Variants in BLTP1 observed in about 807,000 individuals in gnomAD.
BLTP1 encodes fragile site-associated protein.
the BLTP1 span, chr4:122,201,870 G>C: frequency 5.1e-6 from 5 of 984,684 alleles, no homozygotes; most frequent in Non-Finnish European, 6.0e-6. Flanking sequence ...TTTTATACAA[G>C]CGTCTCATCG....
At chr4:122,336,449 A>AT in the BLTP1 span, 4 of 772,124 alleles carry the variant, frequency 5.2e-6, no homozygotes, top group Non-Finnish European at 5.8e-6. Context: ...ATTACATAAT[A>AT]TATGCAATTA....
chr4:122,328,127 C>T, the BLTP1 span: 1 of 1,604,854 alleles, frequency 6.2e-7, no homozygotes, highest in East Asian at 2.2e-5. Context: ...CAGAACTGGA[C>T]CTTTTGTCAG....
chr4:122,279,557 A>G, the BLTP1 span, among the ~76,000 whole-genome samples: 3 of 152,144 alleles, frequency 2.0e-5, no homozygotes, highest in Non-Finnish European at 4.4e-5. Flanking sequence ...TGGTACTTTA[A>G]AGAAGATCAT....
the BLTP1 span, among the ~76,000 whole-genome samples, chr4:122,253,716 C>A: frequency 6.6e-6 from 1 of 152,034 alleles, no homozygotes; most frequent in Non-Finnish European, 1.5e-5. Flanking sequence ...TAGAGAAAGA[C>A]GGGTGGAAAG....
At chr4:122,362,118 T>C in the BLTP1 span, 1 of 1,613,696 alleles carries the variant, frequency 6.2e-7, no homozygotes, top group Non-Finnish European at 8.5e-7. Flanking sequence ...CTAGGACTAC[T>C]ATTCCTAAAT....
At chr4:122,328,280 T>C in the BLTP1 span, 1 of 1,610,972 alleles carries the variant, frequency 6.2e-7, no homozygotes, top group Non-Finnish European at 8.5e-7. Context: ...GTTTGTCTTC[T>C]ACCAGTGAAG....
At chr4:122,328,769 C>G in the BLTP1 span, 4 of 982,464 alleles carry the variant, frequency 4.1e-6, no homozygotes, top group Non-Finnish European at 4.8e-6. Context: ...AAGACTTAAG[C>G]AAATTCTTAG....
At chr4:122,248,018 A>G in the BLTP1 span, 10 of 985,080 alleles carry the variant, frequency 1.0e-5, no homozygotes, top group African/African-American at 1.7e-4. Context: ...CTGAGTAAAC[A>G]AATGAATTCC....
the BLTP1 span, among the ~76,000 whole-genome samples, chr4:122,162,903 T>A: frequency 2.0e-5 from 3 of 152,242 alleles, no homozygotes; most frequent in Non-Finnish European, 4.4e-5. Flanking sequence ...CTGTTGTTCC[T>A]GTTCTGATAA....
the BLTP1 span, among the ~76,000 whole-genome samples, chr4:122,332,001 G>A: frequency 1.3e-5 from 2 of 151,846 alleles, no homozygotes; most frequent in African/African-American, 4.8e-5. Flanking sequence ...TTTACTATTT[G>A]TTTACATCAC....
the BLTP1 span, chr4:122,209,682 A>G: frequency 9.0e-7 from 1 of 1,115,368 alleles, no homozygotes; most frequent in East Asian, 2.7e-5. Flanking sequence ...AATTAGTGAC[A>G]AGTATTTTGT....
the BLTP1 span, chr4:122,318,316 CT>C: frequency 2.7e-5 from 41 of 1,507,992 alleles, 1 homozygote; most frequent in South Asian, 4.5e-4. Context: ...AACCACCTGA[CT>C]TTTTCCTATC....
chr4:122,258,026 A>G, the BLTP1 span, among the ~76,000 whole-genome samples: 1 of 152,114 alleles, frequency 6.6e-6, no homozygotes, highest in Non-Finnish European at 1.5e-5. Context: ...TGCCTGCTTG[A>G]TCCTGAATTT....
the BLTP1 span, chr4:122,274,533 A>G: frequency 2.7e-6 from 4 of 1,481,432 alleles, no homozygotes; most frequent in Non-Finnish European, 3.6e-6. Context: ...TTGTATATAC[A>G]ATATCAGTTC....
chr4:122,267,870 A>AT, the BLTP1 span, among the ~76,000 whole-genome samples: 1 of 152,162 alleles, frequency 6.6e-6, no homozygotes, highest in Non-Finnish European at 1.5e-5. Flanking sequence ...GATAAATGGC[A>AT]TTTATGACAA....
chr4:122,254,713 T>G, the BLTP1 span: 5 of 1,277,848 alleles, frequency 3.9e-6, no homozygotes, highest in Non-Finnish European at 5.0e-6. Context: ...TTTGCCTGAG[T>G]AAAACAACCA....
chr4:122,197,802 T>C, the BLTP1 span, among the ~76,000 whole-genome samples: 637 of 152,260 alleles, frequency 4.2e-3, 2 homozygotes, highest in African/African-American at 0.014. Context: ...TCATCTGAGC[T>C]GAGATGATCT....
chr4:122,258,380 T>C, the BLTP1 span, among the ~76,000 whole-genome samples: 1 of 152,208 alleles, frequency 6.6e-6, no homozygotes, highest in Non-Finnish European at 1.5e-5. Flanking sequence ...ACACAAAAGT[T>C]TGAAAACCAG....
the BLTP1 span, chr4:122,348,953 T>A: frequency 1.9e-6 from 1 of 539,070 alleles, no homozygotes; most frequent in Non-Finnish European, 3.1e-6. Flanking sequence ...CAGGGTAATT[T>A]TCTAGCTTTT....
Sources: allele counts gnomAD v4.1 joint callset (sites outside exome capture counted in the v4.1 genomes callset), GRCh38; gene constraint gnomAD v4.1.1; transcripts MANE v1.5; gene names NCBI Gene and HGNC (gene_info 2026-07-23, HGNC 2026-07-21).